The following CDH12 variants were observed in gnomAD, a reference collection of about 807,000 sequenced individuals.
The protein encoded by CDH12 is cadherin 12.
In CDH12, 41 loss-of-function variants were observed where a neutral mutation model predicts 74.1. That is an observed-to-expected ratio of 0.55 (90% CI 0.43 to 0.72). The LOEUF is 0.72. Among genes scored for constraint, CDH12 ranks in the 30% least tolerant of loss-of-function variants. The pLI, the probability that CDH12 is intolerant of heterozygous loss-of-function variation, is 0.00. For synonymous variants in CDH12, 399 were observed against 355.0 expected (o/e 1.12, Z -1.39); for missense variants, 945 against 977.2 (o/e 0.97, Z 0.44).
chr5:21,835,034 C>T (rs1426871211), intron 8 of CDH12, among the ~76,000 whole-genome samples: 1 of 151,838 alleles, frequency 6.6e-6, no homozygotes, highest in African/African-American at 2.4e-5. Context: ...TCTGGGGAAT[C>T]ATTTATGTGT....
At chr5:22,567,138 T>C (rs1739327817) in intron 1 of CDH12, among the ~76,000 whole-genome samples, 1 of 152,186 alleles carries the variant, frequency 6.6e-6, no homozygotes, top group South Asian at 2.1e-4. Context: ...AGAATAGTCA[T>C]CTTCAAGCTA....
intron 3 of CDH12, among the ~76,000 whole-genome samples, chr5:22,366,568 A>T (rs1194670811): frequency 1.3e-5 from 2 of 152,152 alleles, no homozygotes. Context: ...TTTTGATTAC[A>T]TTAACCTCTC....
chr5:22,639,240 G>C (rs1365472598), intron 1 of CDH12, among the ~76,000 whole-genome samples: 1 of 151,840 alleles, frequency 6.6e-6, no homozygotes, highest in East Asian at 1.9e-4. Context: ...TGTGTGGAGA[G>C]GAATTACAAG....
At chr5:22,028,010 T>C (rs1177269243) in intron 5 of CDH12, among the ~76,000 whole-genome samples, 13 of 152,182 alleles carry the variant, frequency 8.5e-5, no homozygotes, top group Non-Finnish European at 1.8e-4. Context: ...TTCTGGTATG[T>C]TGTGTCTTTG....
At chr5:21,799,416 G>A (rs546751781) in intron 10 of CDH12, among the ~76,000 whole-genome samples, 171 of 152,194 alleles carry the variant, frequency 1.1e-3, no homozygotes, top group African/African-American at 3.0e-3. Flanking sequence ...TCTCAGCCCC[G>A]TCCGTGTTCC....
chr5:21,902,842 G>C (rs1362919819), intron 6 of CDH12, among the ~76,000 whole-genome samples: 3 of 152,062 alleles, frequency 2.0e-5, no homozygotes, highest in African/African-American at 7.2e-5. Context: ...GGTAACAACA[G>C]CTAAACATTG....
At chr5:22,676,902 C>A (rs1741221245) in intron 1 of CDH12, among the ~76,000 whole-genome samples, 1 of 152,048 alleles carries the variant, frequency 6.6e-6, no homozygotes, top group African/African-American at 2.4e-5. Context: ...TAGTATTTCT[C>A]TCATTGAGAG....
chr5:22,592,157 G>C (rs1025862553), intron 1 of CDH12, among the ~76,000 whole-genome samples: 2 of 152,148 alleles, frequency 1.3e-5, no homozygotes, highest in Non-Finnish European at 2.9e-5. Context: ...GCTTTCCCAG[G>C]AAACTTAGTT....
In CDH12 at chr5:22,760,688, A is replaced by AC. The variant is rs1561011741; in HGVS notation, c.-523+92369_-523+92370insG. ...GATAAGACTCCGTCTCAAAAAAAAA[A>AC]AAAAAAAAAAAACAAAAAAAAAAAG... On this transcript the variant is annotated intron_variant, in intron 1 of 14. Coordinates refer to ENST00000382254, the MANE Select transcript of CDH12 (RefSeq NM_004061.5). Among the ~76,000 whole-genome samples, 3 of 150,990 alleles carry AC rather than the reference A, an allele frequency of 2.0e-5. No homozygotes were observed. In the East Asian group the frequency reaches 5.8e-4, roughly 29 times the overall value.
intron 1 of CDH12, among the ~76,000 whole-genome samples, chr5:22,820,353 T>C (rs1749629266): frequency 6.6e-6 from 1 of 151,944 alleles, no homozygotes; most frequent in African/African-American, 2.4e-5. Context: ...AGGGAACCAG[T>C]GGGAGGTGAT....
intron 5 of CDH12, among the ~76,000 whole-genome samples, chr5:21,998,498 TTAA>T (rs1736426403): frequency 6.6e-6 from 1 of 152,118 alleles, no homozygotes; most frequent in Non-Finnish European, 1.5e-5. Flanking sequence ...AGTTCCCTGC[TTAA>T]AATGAGAACT....
intron 2 of CDH12, among the ~76,000 whole-genome samples, chr5:22,449,638 C>A (rs975522281): frequency 3.3e-5 from 5 of 151,958 alleles, no homozygotes; most frequent in Non-Finnish European, 7.4e-5. Context: ...TCAAATGAGA[C>A]AATCTGAAAA....
At chr5:22,248,815 T>G (rs962599273) in intron 3 of CDH12, among the ~76,000 whole-genome samples, 2 of 152,216 alleles carry the variant, frequency 1.3e-5, no homozygotes, top group Admixed American at 6.5e-5. Flanking sequence ...TCACTTATCA[T>G]ATAAGTAACT....
At chr5:22,046,430 CTTTTTTTTTTTT>C (rs11323330) in intron 5 of CDH12, among the ~76,000 whole-genome samples, 3 of 100,420 alleles carry the variant, frequency 3.0e-5, no homozygotes, top group Non-Finnish European at 3.9e-5. Flanking sequence ...CATTTAATTT[CTTTTTTTTTTTT>C]TTTTTTTTTT....
chr5:22,234,186 A>T (rs1752482489), intron 3 of CDH12, among the ~76,000 whole-genome samples: 1 of 152,246 alleles, frequency 6.6e-6, no homozygotes, highest in Non-Finnish European at 1.5e-5. Flanking sequence ...CATAGTAAAC[A>T]TAAAAATGAA....
At chr5:22,652,440 G>A (rs1561553202) in intron 1 of CDH12, among the ~76,000 whole-genome samples, 2 of 152,120 alleles carry the variant, frequency 1.3e-5, no homozygotes, top group Non-Finnish European at 2.9e-5. Context: ...ACCAGGTCTT[G>A]AATGACAGGG....
intron 3 of CDH12, among the ~76,000 whole-genome samples, chr5:22,281,358 T>C (rs1204544724): frequency 6.6e-6 from 1 of 152,128 alleles, no homozygotes; most frequent in Admixed American, 6.5e-5. Context: ...AAACAAGGTA[T>C]TGGGAGTTCT....
At chr5:21,905,154 G>A (rs1753580913) in intron 6 of CDH12, among the ~76,000 whole-genome samples, 2 of 152,220 alleles carry the variant, frequency 1.3e-5, no homozygotes, top group Admixed American at 1.3e-4. Flanking sequence ...CACAGGAAAT[G>A]TGTGCGGTGA....
chr5:21,769,821 C>T (rs538437160), intron 11 of CDH12, among the ~76,000 whole-genome samples: 1 of 152,258 alleles, frequency 6.6e-6, no homozygotes, highest in Admixed American at 6.5e-5. Flanking sequence ...TTGATGTAAT[C>T]TATTGAGATT....
Sources: gnomAD v4.1 joint callset for allele counts (sites outside exome capture counted in the v4.1 genomes callset) on GRCh38, gnomAD v4.1.1 for gene constraint, MANE v1.5 for transcripts, NCBI Gene and HGNC (gene_info 2026-07-23, HGNC 2026-07-21) for gene names.